The following SAMMSON variants were observed in gnomAD, a reference collection of about 807,000 sequenced individuals.
SAMMSON encodes survival associated mitochondrial melanoma specific oncogenic non-coding RNA, also known as long intergenic non-protein coding RNA 1212.
intron 6 of SAMMSON, among the ~76,000 whole-genome samples, chr3:70,286,542 G>A (rs1034249672): frequency 1.3e-5 from 2 of 151,770 alleles, no homozygotes; most frequent in African/African-American, 4.8e-5. Flanking sequence ...GGTGATGCGG[G>A]CTCTTTTTTG....
chr3:70,108,023 A>G (rs529553531), intron 4 of SAMMSON, among the ~76,000 whole-genome samples: 1 of 152,296 alleles, frequency 6.6e-6, no homozygotes, highest in South Asian at 2.1e-4. Flanking sequence ...CTTCAAGTTA[A>G]TTTACACAGT....
intron 9 of SAMMSON, among the ~76,000 whole-genome samples, chr3:70,379,489 G>A (rs78243600): frequency 0.013 from 1,995 of 152,248 alleles, 17 homozygotes; most frequent in Middle Eastern, 0.031. Flanking sequence ...ATTGCACTGC[G>A]ATGAAAGCCT....
intron 7 of SAMMSON, among the ~76,000 whole-genome samples, chr3:70,327,199 A>T (rs1702585902): frequency 6.6e-6 from 1 of 152,244 alleles, no homozygotes. Flanking sequence ...CATCTATCAA[A>T]TATGTTATGA....
intron 7 of SAMMSON, among the ~76,000 whole-genome samples, chr3:70,339,030 C>CA (rs1378926686): frequency 2.0e-5 from 3 of 152,272 alleles, no homozygotes; most frequent in African/African-American, 7.2e-5. Flanking sequence ...ACCAAAACAG[C>CA]ATGCTACTGG....
chr3:70,095,229 A>G (rs915603900), intron 4 of SAMMSON, among the ~76,000 whole-genome samples: 1 of 152,134 alleles, frequency 6.6e-6, no homozygotes, highest in South Asian at 2.1e-4. Context: ...CCACAGGAGG[A>G]CATATGTTAA....
rs986855008 is a variant in SAMMSON, at chr3:70,006,764, C to T, written n.23-5593C>T. On this transcript the variant is annotated intron_variant and non_coding_transcript_variant, in intron 1 of 9. Coordinates refer to ENST00000642114, the Ensembl canonical transcript of SAMMSON. Reference sequence around the variant, plus strand: ...TGTTGGTGTGCTGCACCCATTAACTCGTCATTTAACATGTTAATGCTATCC... The same window carrying T: ...TGTTGGTGTGCTGCACCCATTAACTTGTCATTTAACATGTTAATGCTATCC... 3.3e-5 allele frequency among the ~76,000 whole-genome samples: 5 copies of T among 151,394 alleles called. No individual in the cohort carries two copies. In the South Asian group the frequency reaches 8.4e-4, roughly 25 times the overall value.
At chr3:70,407,900 C>G (rs1023098938) in intron 2 of SAMMSON, among the ~76,000 whole-genome samples, 1 of 152,240 alleles carries the variant, frequency 6.6e-6, no homozygotes, top group African/African-American at 2.4e-5. Context: ...AGTGCCCTGC[C>G]CCTGCAGCAA....
At chr3:70,058,541 A>C (rs1181699629) in intron 3 of SAMMSON, among the ~76,000 whole-genome samples, 4 of 151,862 alleles carry the variant, frequency 2.6e-5, no homozygotes. Flanking sequence ...GTCCATAAAA[A>C]CCCTGTGCTG....
At chr3:70,076,652 G>C (rs2067249410) in intron 4 of SAMMSON, among the ~76,000 whole-genome samples, 1 of 152,272 alleles carries the variant, frequency 6.6e-6, no homozygotes, top group South Asian at 2.1e-4. Context: ...CTGATTGCCA[G>C]CAAAGGTTCC....
chr3:70,172,748 G>T (rs1700969388), intron 4 of SAMMSON: 1 of 151,880 alleles, frequency 6.6e-6, no homozygotes. Context: ...ATTTCTCATG[G>T]TCAATCACAA....
intron 9 of SAMMSON, among the ~76,000 whole-genome samples, chr3:70,386,156 G>A (rs1257973342): frequency 2.6e-5 from 4 of 152,022 alleles, no homozygotes; most frequent in African/African-American, 4.8e-5. Context: ...AGTGAAAATC[G>A]CAGCCTTGTG....
At chr3:70,343,796 A>T (rs1702729779) in intron 7 of SAMMSON, among the ~76,000 whole-genome samples, 1 of 151,848 alleles carries the variant, frequency 6.6e-6, no homozygotes, top group Non-Finnish European at 1.5e-5. Context: ...ATTACTTGGA[A>T]TTGTTCTGTA....
intron 3 of SAMMSON, among the ~76,000 whole-genome samples, chr3:70,044,806 A>C (rs1319743437): frequency 6.7e-6 from 1 of 150,180 alleles, no homozygotes; most frequent in Non-Finnish European, 1.5e-5. Flanking sequence ...TATACTTCAC[A>C]TAAAAAGGAA....
In SAMMSON at chr3:70,174,265, A is replaced by T. The variant is rs35019111; in HGVS notation, n.508-74842A>T. On this transcript the variant is annotated intron_variant and non_coding_transcript_variant, in intron 4 of 9. Transcript: ENST00000642114. ...GGTGAGAACAAAAATTGTTTGTACT[A>T]GGAAACTGTATTATTTCATCTTTTG... Among the ~76,000 whole-genome samples the T allele has an allele frequency of 8.9e-3, 1,351 of 152,172 alleles. 16 individuals carry two copies. The highest frequency in any genetic ancestry group is 0.023 in the African/African-American group (966 of 41,552).
chr3:70,020,462 CTG>C (rs2067008606), intron 3 of SAMMSON, among the ~76,000 whole-genome samples: 1 of 152,154 alleles, frequency 6.6e-6, no homozygotes, highest in Non-Finnish European at 1.5e-5. Flanking sequence ...AATATGGAGA[CTG>C]TGGCATCTGT....
At chr3:70,326,506 C>T (rs1313325830) in intron 7 of SAMMSON, among the ~76,000 whole-genome samples, 1 of 152,136 alleles carries the variant, frequency 6.6e-6, no homozygotes, top group Non-Finnish European at 1.5e-5. Context: ...CTTTCCCAGT[C>T]TGTGGCAGTG....
intron 2 of SAMMSON, among the ~76,000 whole-genome samples, chr3:70,420,366 T>C (rs1701301790): frequency 6.6e-6 from 1 of 152,216 alleles, no homozygotes; most frequent in Non-Finnish European, 1.5e-5. Flanking sequence ...TTCAGAAATG[T>C]GCTGGTAGCT....
chr3:70,390,212 C>A (rs964850053), downstream of SAMMSON, among the ~76,000 whole-genome samples: 1 of 152,012 alleles, frequency 6.6e-6, no homozygotes, highest in African/African-American at 2.4e-5. Flanking sequence ...TTAAAATAAC[C>A]ACTTTACAGA....
At chr3:70,235,697 T>G (rs777837334) in intron 4 of SAMMSON, among the ~76,000 whole-genome samples, 2 of 152,210 alleles carry the variant, frequency 1.3e-5, no homozygotes, top group Admixed American at 6.5e-5. Flanking sequence ...GTGTAAGGGT[T>G]CTGGTGGCAG....
Sources: gnomAD v4.1 joint callset for allele counts (sites outside exome capture counted in the v4.1 genomes callset) on GRCh38, gnomAD v4.1.1 for gene constraint, MANE v1.5 for transcripts, NCBI Gene and HGNC (gene_info 2026-07-23, HGNC 2026-07-21) for gene names.